Variants in KDM4B observed in about 807,000 individuals in gnomAD.
KDM4B encodes lysine-specific demethylase 4B.
Under a neutral mutation model 125.2 loss-of-function variants are expected in KDM4B, and 32 were observed. The ratio of observed to expected loss-of-function variants is 0.26; its 90% CI spans 0.19 to 0.34. The LOEUF (loss-of-function observed/expected upper bound fraction) is 0.34. Among genes scored for constraint, KDM4B ranks in the 10% least tolerant of loss-of-function variants. The pLI, the probability that KDM4B is intolerant of heterozygous loss-of-function variation, is 1.00. For synonymous variants in KDM4B, 721 were observed against 677.9 expected, an observed-to-expected ratio of 1.06 and a Z score of -0.99; for missense variants, 1,190 against 1,577.7, an observed-to-expected ratio of 0.75 and a Z score of 4.16.
intron 11 of KDM4B, among the ~76,000 whole-genome samples, chr19:5,120,519 A>G (rs2039341474): frequency 6.6e-6 from 1 of 152,044 alleles, no homozygotes; most frequent in South Asian, 2.1e-4. Flanking sequence ...CCGCCTTCCC[A>G]CAGGAGTGTG....
chr19:5,064,017 C>G (rs148787868), intron 6 of KDM4B, among the ~76,000 whole-genome samples: 2 of 152,364 alleles, frequency 1.3e-5, no homozygotes, highest in Admixed American at 1.3e-4. Flanking sequence ...CCGGCTTGCT[C>G]TCCTTCCCGG....
chr19:5,151,200 AG>A, intron 22 of KDM4B, 134 bp from the exon 23 acceptor site: 1 of 736,946 alleles, frequency 1.4e-6, no homozygotes, highest in Non-Finnish European at 1.9e-6. Context: ...ACACGAAAAC[AG>A]GAGCCTGCTG....
At position 5,131,489 on chromosome 19, in the gene KDM4B, G is replaced by A; in HGVS notation, c.1729G>A (p.Ala577Thr). 6.4e-7 allele frequency: 1 copy of A among 1,565,986 alleles called. No homozygotes were observed. The highest frequency in any genetic ancestry group is 8.6e-7 in the Non-Finnish European group (1 of 1,164,256). The change falls in exon 12 of 23, where the codon GCA becomes ACA. Residue 577 changes from alanine to threonine, a missense_variant. This residue lies in a region of KDM4B where 428 missense variants were observed against 405.1 expected (regional missense o/e 1.06). Transcript: ENST00000159111. ...PMELTGPEDG[A>T]ASSGAGRMET... ...GGAGCTGACGGGGCCAGAGGACGGT[G>A]CAGCCAGCAGTGGGGCAGGTCGCAT... is the stretch of plus-strand genomic sequence containing the variant.
At chr19:5,147,697 C>G in intron 21 of KDM4B, among the ~76,000 whole-genome samples, 1 of 148,622 alleles carries the variant, frequency 6.7e-6, no homozygotes, top group Admixed American at 6.8e-5. Context: ...GATCCAAGAT[C>G]GCGCCACTGC....
chr19:5,106,896 G>A (rs562690633), intron 9 of KDM4B, among the ~76,000 whole-genome samples: 1 of 152,212 alleles, frequency 6.6e-6, no homozygotes, highest in Non-Finnish European at 1.5e-5. Flanking sequence ...CAGAGAGCCT[G>A]CAGTTGGTGG....
chr19:5,028,933 G>A (rs550050921), intron 2 of KDM4B, among the ~76,000 whole-genome samples: 4 of 152,182 alleles, frequency 2.6e-5, no homozygotes, highest in East Asian at 3.9e-4. Context: ...ACATGGTTTC[G>A]CTCCTGTAGC....
At position 5,050,933 on chromosome 19, in the gene KDM4B, C is replaced by T. The variant is rs957222399; in HGVS notation, c.626+3264C>T. 2.0e-5 allele frequency among the ~76,000 whole-genome samples: 3 copies of T among 152,122 alleles called. No individual in the cohort carries two copies. The East Asian group carries it at 5.8e-4, about 29-fold the overall frequency. On this transcript the variant is annotated intron_variant, in intron 6 of 22. Coordinates refer to ENST00000159111, the MANE Select transcript of KDM4B (RefSeq NM_015015.3). ...TAAAAAATAAATAAATAAAAAGACC[C>T]TCCTGGAACCTGGGGTGGGGGTGGT...
chr19:5,007,947 C>A (rs2035612986), intron 1 of KDM4B, among the ~76,000 whole-genome samples: 1 of 152,166 alleles, frequency 6.6e-6, no homozygotes, highest in Non-Finnish European at 1.5e-5. Flanking sequence ...TGATCCAAAG[C>A]CACGAAGGTT....
chr19:5,054,956 G>C (rs1005031513), intron 6 of KDM4B, among the ~76,000 whole-genome samples: 2 of 152,226 alleles, frequency 1.3e-5, no homozygotes, highest in Non-Finnish European at 2.9e-5. Context: ...TGGCTTTGGC[G>C]TTCAAAAAAT....
chr19:5,113,960 C>T, intron 10 of KDM4B: 1 of 1,232,356 alleles, frequency 8.1e-7, no homozygotes, highest in South Asian at 1.4e-5. Flanking sequence ...CTGCTCGCCA[C>T]CTTACATGGG....
At chr19:5,088,238 C>T (rs369302950) in intron 9 of KDM4B, among the ~76,000 whole-genome samples, 25 of 152,322 alleles carry the variant, frequency 1.6e-4, no homozygotes, top group African/African-American at 4.3e-4. Flanking sequence ...AGGGAGTCGG[C>T]GGCTTAGCTT....
At chr19:5,041,402 G>A in intron 5 of KDM4B, 151 bp downstream of exon 5, 1 of 577,300 alleles carries the variant, frequency 1.7e-6, no homozygotes, top group Non-Finnish European at 3.1e-6. Context: ...GCCTCGCCCT[G>A]TGGTGACGAA....
chr19:5,084,485 A>G (rs975466935), intron 9 of KDM4B, among the ~76,000 whole-genome samples: 28 of 136,918 alleles, frequency 2.0e-4, no homozygotes, highest in Non-Finnish European at 3.7e-4. Context: ...TATAAATTAT[A>G]TATGTTATAA....
chr19:5,104,145 C>G (rs1045360243), intron 9 of KDM4B, among the ~76,000 whole-genome samples: 1 of 152,158 alleles, frequency 6.6e-6, no homozygotes, highest in African/African-American at 2.4e-5. Context: ...GGCAGGACCC[C>G]GAGAAGCAGA....
intron 6 of KDM4B, among the ~76,000 whole-genome samples, chr19:5,069,311 A>T (rs2037872163): frequency 1.3e-5 from 2 of 151,010 alleles, no homozygotes; most frequent in South Asian, 2.1e-4. Context: ...TTTTATTTTT[A>T]TTTTTTTTAA....
intron 6 of KDM4B, among the ~76,000 whole-genome samples, chr19:5,064,118 AC>A (rs1438348729): frequency 6.6e-6 from 1 of 152,120 alleles, no homozygotes; most frequent in African/African-American, 2.4e-5. Context: ...GGTGGCGGTC[AC>A]CATGGCTTTT....
At chr19:5,071,114 T>C in intron 7 of KDM4B, 55 bp downstream of exon 7, 1 of 1,558,322 alleles carries the variant, frequency 6.4e-7, no homozygotes, top group Non-Finnish European at 8.8e-7. Flanking sequence ...GAGGGGCCTG[T>C]GGGTGGGGAA....
rs567572548 is a variant in KDM4B at position 5,013,481 on chromosome 19, A to G, written c.-108-2776A>G. On this transcript the variant is annotated intron_variant, in intron 1 of 22. Coordinates refer to ENST00000159111, the MANE Select transcript of KDM4B (RefSeq NM_015015.3). Reference sequence around the variant, plus strand: ...TTCTCTCCCATGCCTGGAGGAGAGAAGTCTGACATGGGCCTCCCTGGGCTA... The same window carrying G: ...TTCTCTCCCATGCCTGGAGGAGAGAGGTCTGACATGGGCCTCCCTGGGCTA... 2.6e-5 allele frequency among the ~76,000 whole-genome samples: 4 copies of G among 152,306 alleles called. No homozygotes were observed. The South Asian group carries it at 8.3e-4, about 32-fold the overall frequency.
At chr19:5,146,335 C>G (rs776501899) in intron 21 of KDM4B, among the ~76,000 whole-genome samples, 15 of 152,242 alleles carry the variant, frequency 9.9e-5, no homozygotes, top group Non-Finnish European at 1.8e-4. Context: ...CTGGCCCCAC[C>G]CGGTCACCAC....
Sources: gnomAD v4.1 joint callset for allele counts (sites outside exome capture counted in the v4.1 genomes callset) on GRCh38, gnomAD v4.1.1 for gene constraint, gnomAD v4.1.1 regional missense constraint, MANE v1.5 for transcripts, NCBI Gene and HGNC (gene_info 2026-07-23, HGNC 2026-07-21) for gene names.